The following MORF4L2 variants were observed in gnomAD, a reference collection of about 807,000 sequenced individuals.
MORF4L2 encodes mortality factor 4-like protein 2.
In MORF4L2, 1 loss-of-function variant was observed where a neutral mutation model predicts 12.0. That is an observed-to-expected ratio of 0.08 (90% CI 0.03 to 0.40). The LOEUF (loss-of-function observed/expected upper bound fraction) is 0.40. MORF4L2 is among the 10% of genes least tolerant of loss of function. MORF4L2 has a pLI of 0.98. For synonymous variants in MORF4L2, 69 were observed against 81.6 expected (o/e 0.85, Z 0.83); for missense variants, 123 against 214.0 (o/e 0.57, Z 2.65).
chrX:103,681,613 T>C (rs1443794926), intron 2 of MORF4L2, among the ~76,000 whole-genome samples: 1 of 111,870 alleles, frequency 8.9e-6, no homozygotes, highest in Non-Finnish European at 1.9e-5. Flanking sequence ...AGTCAAGAGA[T>C]AGAACACTCT....
In MORF4L2 at chrX:103,679,928, G is replaced by A. The variant is rs1478048114; in HGVS notation, c.-177-1277C>T. ...AGGCCGGGCACGGTGGCTCACGCCT[G>A]TAATCCCAGCATTTTGGGTGGCCGA... On this transcript the variant is annotated intron_variant, in intron 2 of 3. Transcript: ENST00000441076. Among the ~76,000 whole-genome samples the A allele has an allele frequency of 4.7e-4, 51 of 108,769 alleles. No homozygotes were observed. In the Admixed American group the frequency reaches 4.9e-3, roughly 10 times the overall value. The allele number at this position is 108,769 out of a possible 115,157, so 94.5% of individuals were successfully genotyped here. A position where few individuals can be genotyped will look rare whatever the true frequency, so the allele number is the denominator to read the frequency against.
rs112727734 is a variant in MORF4L2, at chrX:103,683,077, C to CT, written c.-178+2093dup. Among the ~76,000 whole-genome samples, 222 of 105,669 alleles carry CT rather than the reference C, an allele frequency of 2.1e-3. 1 individual carries two copies. Among genetic ancestry groups the CT allele is most frequent in the Admixed American group, 9.2e-3 (91 of 9,867 alleles). The allele number at this position is 105,669 out of a possible 115,157, so 91.8% of individuals were successfully genotyped here. Reference sequence around the variant, plus strand: ...TTCTGAATGATTTTTGATTATTTAACTTTTTTTTTTTTTCTTTTTTTGAGA... The same window carrying CT: ...TTCTGAATGATTTTTGATTATTTAACTTTTTTTTTTTTTTCTTTTTTTGAGA... On this transcript the variant is annotated intron_variant, in intron 2 of 3. Transcript: ENST00000441076.
intron 2 of MORF4L2, among the ~76,000 whole-genome samples, chrX:103,681,158 C>T (rs1161544770): frequency 9.0e-6 from 1 of 111,608 alleles, no homozygotes; most frequent in Non-Finnish European, 1.9e-5. Flanking sequence ...TTAGGGACAA[C>T]AGTCACCAAC....
In MORF4L2 at chrX:103,675,770, T is replaced by G; in HGVS notation, c.*391A>C. On this transcript the variant is annotated 3_prime_UTR_variant, in exon 4 of 4. Coordinates refer to ENST00000441076, the MANE Select transcript of MORF4L2 (RefSeq NM_012286.3). ...AAAAAAAAAAAAGAGCACAAATGCA[T>G]GGGTTTTCAGGTATATACATTAAGT... 8.5e-6 allele frequency: 1 copy of G among 117,513 alleles called. No individual in the cohort carries two copies. The highest frequency in any genetic ancestry group is 1.8e-5 in the Non-Finnish European group (1 of 56,985). The allele number at this position is 117,513 out of a possible 1,213,427, so 9.7% of individuals were successfully genotyped here. A position where few individuals can be genotyped will look rare whatever the true frequency, so the allele number is the denominator to read the frequency against.
At chrX:103,686,131 C>A (rs1389625948) in intron 1 of MORF4L2, among the ~76,000 whole-genome samples, 9 of 103,736 alleles carry the variant, frequency 8.7e-5, no homozygotes, top group African/African-American at 1.1e-4. Context: ...CACTCCCCCC[C>A]CCCCCACCTT....
upstream of MORF4L2, chrX:103,687,585 A>G: frequency 8.9e-6 from 1 of 112,513 alleles, no homozygotes; most frequent in South Asian, 3.6e-4. Context: ...TCTGTGTTAT[A>G]TTTGAAAATG....
chrX:103,680,692 T>C (rs2073967170), intron 2 of MORF4L2, among the ~76,000 whole-genome samples: 1 of 112,468 alleles, frequency 8.9e-6, no homozygotes, highest in Non-Finnish European at 1.9e-5. Context: ...ATCTTGGGGA[T>C]GGGACCCCAG....
Position 103,676,398 on chromosome X carries a change from G to A in MORF4L2, c.630C>T (p.Ile210=). 3 of 1,211,676 alleles carry A rather than the reference G, an allele frequency of 2.5e-6. No individual in the cohort carries two copies. The Admixed American group carries it at 6.5e-5, about 26-fold the overall frequency. The change falls in exon 4 of 4, where the codon ATC becomes ATT. Residue 210 remains isoleucine (I), a synonymous_variant. Coordinates refer to ENST00000441076, the MANE Select transcript of MORF4L2 (RefSeq NM_012286.3). Reference sequence around the variant, plus strand: ...TTGGAGCATCAGGGTGAGCCAAGAGGATTTCAGCATACTGGGGCCTCTCAA... The same window carrying A: ...TTGGAGCATCAGGGTGAGCCAAGAGAATTTCAGCATACTGGGGCCTCTCAA... ...YKFERPQYAE[I]LLAHPDAPMS...
intron 2 of MORF4L2, 37 bp downstream of exon 2, chrX:103,685,134 C>A (rs1339273298): frequency 8.9e-6 from 1 of 112,048 alleles, no homozygotes; most frequent in African/African-American, 3.2e-5. Flanking sequence ...GTGGTATTAT[C>A]CTGTTTGAGA....
At chrX:103,677,159 A>G in intron 3 of MORF4L2, 108 bp from the exon 4 acceptor site, 1 of 614,874 alleles carries the variant, frequency 1.6e-6, no homozygotes. Flanking sequence ...TAAAATCTGG[A>G]TTTCAAATCC....
At chrX:103,682,489 A>G (rs2074008006) in intron 2 of MORF4L2, among the ~76,000 whole-genome samples, 1 of 111,601 alleles carries the variant, frequency 9.0e-6, no homozygotes, top group African/African-American at 3.3e-5. Context: ...TCATTTTTTC[A>G]TGACTTCAAG....
intron 2 of MORF4L2, among the ~76,000 whole-genome samples, chrX:103,679,783 A>G (rs972660745): frequency 1.9e-5 from 2 of 104,190 alleles, no homozygotes; most frequent in Non-Finnish European, 3.9e-5. Flanking sequence ...TGTAGCCATT[A>G]ACACTGTAGG....
At chrX:103,678,367 G>A (rs992296097) in intron 3 of MORF4L2, 132 bp downstream of exon 3, 1 of 112,097 alleles carries the variant, frequency 8.9e-6, no homozygotes, top group South Asian at 3.7e-4. Flanking sequence ...CAAAGATGAT[G>A]AGCGTTCCAA....
upstream of MORF4L2, among the ~76,000 whole-genome samples, chrX:103,687,686 TTTAA>T (rs1418889863): frequency 2.7e-5 from 3 of 112,208 alleles, no homozygotes; most frequent in African/African-American, 6.5e-5. Flanking sequence ...TCCGTACTGA[TTTAA>T]TTACTTTAAA....
At chrX:103,678,378 G>C (rs945568313) in intron 3 of MORF4L2, 121 bp downstream of exon 3, 1 of 112,202 alleles carries the variant, frequency 8.9e-6, no homozygotes, top group East Asian at 2.8e-4. Context: ...AGCGTTCCAA[G>C]AAGAAAAAGG....
Position 103,676,678 on chromosome X carries a change from T to C in MORF4L2, c.350A>G (p.Asn117Ser), listed in dbSNP as rs142485374. ...AATCTTCACTTTAACCTCCATTCTA[T>C]TCTTAAACGCCTCCTCACTTTCAAC... ...PTVESEEAFKNRMEVKVKIPE... is the reference protein window; with the variant it reads ...PTVESEEAFKSRMEVKVKIPE... The change falls in exon 4 of 4, where the codon AAT becomes AGT. Residue 117 changes from asparagine (N) to serine (S), a missense_variant. Coordinates refer to ENST00000441076, the MANE Select transcript of MORF4L2 (RefSeq NM_012286.3). The C allele has an allele frequency of 3.1e-4, 369 of 1,206,411 alleles. No individual in the cohort carries two copies. Among genetic ancestry groups the C allele is most frequent in the Non-Finnish European group, 3.9e-4 (347 of 894,498 alleles).
At chrX:103,678,390 A>G (rs911509656) in intron 3 of MORF4L2, 109 bp downstream of exon 3, 7 of 112,324 alleles carry the variant, frequency 6.2e-5, no homozygotes, top group African/African-American at 2.3e-4. Flanking sequence ...AGAAAAAGGT[A>G]TAATCTACAG....
At chrX:103,686,311 T>C (rs1162155860) in intron 1 of MORF4L2, among the ~76,000 whole-genome samples, 2 of 111,815 alleles carry the variant, frequency 1.8e-5, no homozygotes, top group Admixed American at 1.9e-4. Context: ...TTTATATAAT[T>C]TATAATTTTT....
intron 3 of MORF4L2, among the ~76,000 whole-genome samples, chrX:103,678,144 A>T (rs1254145616): frequency 9.0e-6 from 1 of 110,594 alleles, no homozygotes; most frequent in Non-Finnish European, 1.9e-5. Flanking sequence ...GAGAAGTAAA[A>T]GCCAGAAATG....
Sources: gnomAD v4.1 joint callset for allele counts (sites outside exome capture counted in the v4.1 genomes callset) on GRCh38, gnomAD v4.1.1 for gene constraint, MANE v1.5 for transcripts, NCBI Gene and HGNC (gene_info 2026-07-23, HGNC 2026-07-21) for gene names.